The following NLRP9 variants were observed in gnomAD, a reference collection of about 807,000 sequenced individuals.
NLRP9 encodes the protein NACHT, LRR and PYD domains-containing protein 9.
NLRP9 carries 88 observed loss-of-function variants against 83.1 expected under a neutral mutation model. The ratio of observed to expected loss-of-function variants is 1.06; its 90% confidence interval spans 0.89 to 1.26. The LOEUF (loss-of-function observed/expected upper bound fraction) is 1.26. Among genes scored for constraint, NLRP9 ranks in the 50% most tolerant of loss-of-function variants. NLRP9 has a pLI of 0.00. For synonymous variants in NLRP9, 521 were observed against 447.6 expected, an observed-to-expected ratio of 1.16 and a Z score of -2.07; for missense variants, 1,308 against 1,179.3, an observed-to-expected ratio of 1.11 and a Z score of -1.60.
intron 8 of NLRP9, 188 bp from the exon 9 acceptor site, chr19:55,709,232 T>C (rs1200041881): frequency 7.4e-6 from 3 of 407,458 alleles, no homozygotes; most frequent in Non-Finnish European, 1.3e-5. Context: ...ATTTATACCA[T>C]AAAGTGAAAT....
chr19:55,733,461 A>G lies in NLRP9; in HGVS notation c.370T>C (p.Tyr124His). Residue 124 changes from tyrosine (Y) to histidine (H), a missense_variant, in exon 2 of 9, where the codon TAC becomes CAC. By Grantham distance (83) the Tyr-to-His change is moderately conservative. Coordinates refer to ENST00000332836, the MANE Select transcript of NLRP9 (RefSeq NM_176820.4). ...TACTCATTTTTCATGGTTTCTTTGT[A>G]GAAATGCTCAGGGACGTGAAGACAG... ...ETCLHVPEHF[Y>H]KETMKNEYKE... The G allele has an allele frequency of 6.2e-7, 1 of 1,613,920 alleles. No individual in the cohort carries two copies. Among genetic ancestry groups the G allele is most frequent in the African/African-American group, 1.3e-5 (1 of 75,022 alleles).
At chr19:55,715,654 A>G (rs924095625) in intron 5 of NLRP9, among the ~76,000 whole-genome samples, 3 of 152,206 alleles carry the variant, frequency 2.0e-5, no homozygotes, top group South Asian at 2.1e-4. Flanking sequence ...ACTGCACTTC[A>G]GCCTGGGCAA....
chr19:55,737,444 T>G (rs1055087893), intron 1 of NLRP9: 27 of 152,310 alleles, frequency 1.8e-4, no homozygotes, highest in African/African-American at 5.8e-4. Flanking sequence ...GATGACAACC[T>G]TTGCCCATAG....
chr19:55,725,181 A>C (rs915553707), intron 3 of NLRP9, among the ~76,000 whole-genome samples: 7 of 152,248 alleles, frequency 4.6e-5, no homozygotes, highest in East Asian at 1.9e-4. Context: ...ACGTAACTAC[A>C]AATATGTGTC....
In NLRP9 at chr19:55,711,093, C is replaced by T. The variant is rs12973879; in HGVS notation, c.2843+707G>A. Among the ~76,000 whole-genome samples the T allele has an allele frequency of 1.4e-5, 2 of 146,818 alleles. 1 individual carries two copies. The highest frequency in any genetic ancestry group is 4.2e-4 in the South Asian group (2 of 4,722). ...AGAGCAAGACTCTGCCTCAAAAAAACAAAACAAAACAAAACAAAAAAAAAA... is the reference window on the plus strand; with the variant it reads ...AGAGCAAGACTCTGCCTCAAAAAAATAAAACAAAACAAAACAAAAAAAAAA... On this transcript the variant is annotated intron_variant, in intron 8 of 8. Transcript: ENST00000332836.
chr19:55,711,454 T>G, intron 8 of NLRP9: 1 of 1,308,358 alleles, frequency 7.6e-7, no homozygotes, highest in South Asian at 1.2e-5. Flanking sequence ...TGAGCTGGCG[T>G]TGCATATTTA....
chr19:55,711,101 AAC>A lies in NLRP9; in HGVS notation c.2843+697_2843+698del, dbSNP rs1465887156. On this transcript the variant is annotated intron_variant, in intron 8 of 8. Transcript: ENST00000332836. The stretch of plus-strand genomic sequence containing the variant: ...ACTCTGCCTCAAAAAAACAAAACAA[AAC>A]AAAACAAAAAAAAAACCTTAAACAA... Among the ~76,000 whole-genome samples, 16 of 123,456 alleles carry A rather than the reference AAC, an allele frequency of 1.3e-4. 1 individual carries two copies. The highest frequency in any genetic ancestry group is 6.3e-4 in the African/African-American group (16 of 25,474). 81.0% of individuals were successfully genotyped at this position (123,456 alleles called of 152,430 possible). A position where few individuals can be genotyped will look rare whatever the true frequency, so the allele number is the denominator to read the frequency against.
Position 55,733,078 on chromosome 19 carries a change from C to T in NLRP9, c.753G>A (p.Gln251=). 1 of 1,613,870 alleles carries T rather than the reference C, an allele frequency of 6.2e-7. No individual in the cohort carries two copies. Among genetic ancestry groups the T allele is most frequent in the Non-Finnish European group, 8.5e-7 (1 of 1,179,866 alleles). The part of the protein sequence containing the change: ...ADLSDDWRQR[Q]PMPIILSSLL... ...AACTGCTCAGGATAATTGGCATTGG[C>T]TGCCGCTGCCTCCAATCATCGCTCA... is the stretch of plus-strand genomic sequence containing the variant. The change falls in exon 2 of 9, where the codon CAG becomes CAA. Residue 251 remains glutamine, a synonymous_variant. Coordinates refer to ENST00000332836, the MANE Select transcript of NLRP9 (RefSeq NM_176820.4).
Position 55,729,392 on chromosome 19 carries a change from C to A in NLRP9, c.1994+439G>T, listed in dbSNP as rs575283715. Among the ~76,000 whole-genome samples the A allele has an allele frequency of 1.3e-3, 202 of 152,216 alleles. 2 individuals are homozygous for A. The highest frequency in any genetic ancestry group is 4.3e-3 in the African/African-American group (179 of 41,524). ...TAATGCTATCCCTTCCCTCTCCCCC[C>A]ACCCCACAACAGGCTGCGGTATGTG... On this transcript the variant is annotated intron_variant, in intron 3 of 8. Coordinates refer to ENST00000332836, the MANE Select transcript of NLRP9 (RefSeq NM_176820.4).
chr19:55,726,026 A>G (rs76138178), intron 3 of NLRP9, among the ~76,000 whole-genome samples: 1 of 139,196 alleles, frequency 7.2e-6, no homozygotes, highest in East Asian at 2.0e-4. Context: ...ACTGTCTCAG[A>G]AAAAAAAAAA....
At chr19:55,714,760 G>T (rs1249047230) in intron 6 of NLRP9, among the ~76,000 whole-genome samples, 1 of 152,084 alleles carries the variant, frequency 6.6e-6, no homozygotes, top group Non-Finnish European at 1.5e-5. Flanking sequence ...TCTGGCGAGG[G>T]CCACGTTCTG....
chr19:55,731,783 G>A (rs1018860313), intron 2 of NLRP9, among the ~76,000 whole-genome samples: 2 of 151,002 alleles, frequency 1.3e-5, no homozygotes, highest in Non-Finnish European at 2.9e-5. Context: ...GCCCTATGAA[G>A]TAGACAAAAC....
At chr19:55,720,972 G>A (rs578195020) in intron 4 of NLRP9, among the ~76,000 whole-genome samples, 31 of 152,256 alleles carry the variant, frequency 2.0e-4, no homozygotes, top group African/African-American at 6.5e-4. Context: ...TATTATGCCC[G>A]AAGCAGAATG....
At chr19:55,727,826 TC>T (rs1335939272) in intron 3 of NLRP9, among the ~76,000 whole-genome samples, 30 of 152,098 alleles carry the variant, frequency 2.0e-4, no homozygotes, top group African/African-American at 5.8e-4. Context: ...AACACTGTGC[TC>T]CCCAAGATCA....
chr19:55,712,325 T>C, intron 7 of NLRP9, 95 bp downstream of exon 7: 1 of 1,119,808 alleles, frequency 8.9e-7, no homozygotes, highest in Admixed American at 2.0e-5. Flanking sequence ...GGACTTGCTT[T>C]TAAACCTGCC....
intron 8 of NLRP9, chr19:55,711,483 G>A (rs1395646067): frequency 1.4e-5 from 19 of 1,336,656 alleles, no homozygotes; most frequent in Non-Finnish European, 1.8e-5. Context: ...GTAAGTAGAA[G>A]ATGTTTTATA....
chr19:55,711,412 C>T (rs1184500620), intron 8 of NLRP9: 8 of 1,292,370 alleles, frequency 6.2e-6, no homozygotes, highest in Non-Finnish European at 8.1e-6. Context: ...TGAATCAAGA[C>T]CTTAGCCCAT....
At chr19:55,729,050 CTTTTT>C (rs374589373) in intron 3 of NLRP9, among the ~76,000 whole-genome samples, 23 of 70,250 alleles carry the variant, frequency 3.3e-4, no homozygotes, top group African/African-American at 5.9e-4. Flanking sequence ...TTTTCTTTTT[CTTTTT>C]TTTTTTTTTT....
intron 5 of NLRP9, among the ~76,000 whole-genome samples, chr19:55,715,458 G>T (rs1987973394): frequency 6.6e-6 from 1 of 152,190 alleles, no homozygotes; most frequent in African/African-American, 2.4e-5. Context: ...GCTGAGGCGG[G>T]CGGATCACCT....
Sources: gnomAD v4.1 joint callset for allele counts (sites outside exome capture counted in the v4.1 genomes callset) on GRCh38, gnomAD v4.1.1 for gene constraint, MANE v1.5 for transcripts, NCBI Gene and HGNC (gene_info 2026-07-23, HGNC 2026-07-21) for gene names.